Variants in ATP8B4 observed in about 807,000 individuals in gnomAD.
The protein encoded by ATP8B4 is ATPase phospholipid transporting 8B4 (putative).
A neutral mutation model predicts 145.6 loss-of-function variants in ATP8B4; 133 were observed. The ratio of observed to expected loss-of-function variants is 0.91; its 90% CI spans 0.79 to 1.05. The LOEUF is 1.05. ATP8B4 is among the 50% of genes least tolerant of loss of function. The pLI is 0.00. For missense variants in ATP8B4, 1,458 were observed against 1,425.2 expected (o/e 1.02, Z -0.37); for synonymous variants, 507 against 492.9 (o/e 1.03, Z -0.38).
At chr15:49,911,543 T>G (rs1044489200) in intron 20 of ATP8B4, among the ~76,000 whole-genome samples, 1 of 152,058 alleles carries the variant, frequency 6.6e-6, no homozygotes, top group Non-Finnish European at 1.5e-5. Context: ...ATAAAGCAGA[T>G]ATCATTAGAT....
At chr15:49,893,724 T>A (rs138609762) in intron 23 of ATP8B4, among the ~76,000 whole-genome samples, 2 of 152,176 alleles carry the variant, frequency 1.3e-5, no homozygotes, top group African/African-American at 4.8e-5. Flanking sequence ...ATCTGTTACA[T>A]AACAATGTGT....
At chr15:50,054,289 A>T (rs531549822) in intron 3 of ATP8B4, among the ~76,000 whole-genome samples, 2 of 152,332 alleles carry the variant, frequency 1.3e-5, no homozygotes, top group South Asian at 2.1e-4. Flanking sequence ...TACCAGAGGA[A>T]AAAGAAGCTC....
At chr15:50,057,315 C>A (rs907413173) in intron 3 of ATP8B4, among the ~76,000 whole-genome samples, 1 of 152,188 alleles carries the variant, frequency 6.6e-6, no homozygotes, top group African/African-American at 2.4e-5. Flanking sequence ...TATTTCAGCA[C>A]CATTTTACAG....
At chr15:50,055,325 C>A (rs1316472128) in intron 3 of ATP8B4, among the ~76,000 whole-genome samples, 2 of 152,180 alleles carry the variant, frequency 1.3e-5, no homozygotes, top group Non-Finnish European at 2.9e-5. Flanking sequence ...TTCTTTTACT[C>A]TCAACCAACC....
intron 2 of ATP8B4, among the ~76,000 whole-genome samples, chr15:50,100,681 A>G (rs2056297876): frequency 6.6e-6 from 1 of 152,218 alleles, no homozygotes. Flanking sequence ...TCATTTTATC[A>G]CATCAGTCTT....
intron 9 of ATP8B4, among the ~76,000 whole-genome samples, chr15:49,995,735 A>C (rs904303170): frequency 5.9e-5 from 9 of 152,286 alleles, no homozygotes; most frequent in Non-Finnish European, 8.8e-5. Context: ...CACATTTTGA[A>C]AGATTGTCTC....
At chr15:50,157,737 TC>T in intron 1 of ATP8B4, among the ~76,000 whole-genome samples, 1 of 151,344 alleles carries the variant, frequency 6.6e-6, no homozygotes, top group South Asian at 2.1e-4. Context: ...TTCTTCTTCT[TC>T]CTCTCCCTCT....
At chr15:50,069,535 G>A (rs2053590948) in intron 3 of ATP8B4, among the ~76,000 whole-genome samples, 1 of 152,156 alleles carries the variant, frequency 6.6e-6, no homozygotes, top group Non-Finnish European at 1.5e-5. Flanking sequence ...TAAAAGCCCA[G>A]GGTAATATTT....
chr15:49,994,777 TG>T (rs2047295412), intron 9 of ATP8B4, among the ~76,000 whole-genome samples: 1 of 152,076 alleles, frequency 6.6e-6, no homozygotes, highest in Admixed American at 6.6e-5. Flanking sequence ...TCAACTTACA[TG>T]GCCACGATTC....
chr15:49,966,678 G>A (rs561070182), intron 13 of ATP8B4, among the ~76,000 whole-genome samples: 1 of 152,306 alleles, frequency 6.6e-6, no homozygotes, highest in East Asian at 1.9e-4. Flanking sequence ...GGAAGGGGTG[G>A]CTGTGCGCGC....
intron 13 of ATP8B4, among the ~76,000 whole-genome samples, chr15:49,968,506 A>C (rs2044769683): frequency 6.6e-6 from 1 of 152,230 alleles, no homozygotes; most frequent in Non-Finnish European, 1.5e-5. Flanking sequence ...TTAAACCAAC[A>C]AAGACCAAAA....
Position 50,128,741 on chromosome 15 carries a change from A to T in ATP8B4, c.-42-21733T>A, listed in dbSNP as rs1218537655. ...ACTTACCCTTTGGAGTGTGTGAGTTAGTGAAAAAGGACAGATCCTTTGTAA... is the reference window on the plus strand; with the variant it reads ...ACTTACCCTTTGGAGTGTGTGAGTTTGTGAAAAAGGACAGATCCTTTGTAA... On this transcript the variant is annotated intron_variant, in intron 1 of 3. Transcript: ENST00000558829. Among the ~76,000 whole-genome samples the T allele has an allele frequency of 2.0e-5, 3 of 152,328 alleles. No homozygotes were observed. In the East Asian group the frequency reaches 5.8e-4, roughly 29 times the overall value.
chr15:50,156,747 G>T (rs978977264), intron 1 of ATP8B4, among the ~76,000 whole-genome samples: 1 of 152,134 alleles, frequency 6.6e-6, no homozygotes, highest in Non-Finnish European at 1.5e-5. Flanking sequence ...TAATATAGCT[G>T]GCCAGTGTCT....
intron 13 of ATP8B4, among the ~76,000 whole-genome samples, chr15:49,964,535 T>C (rs954767703): frequency 2.6e-5 from 4 of 152,152 alleles, no homozygotes; most frequent in Admixed American, 1.3e-4. Flanking sequence ...TACCCCCAAC[T>C]TGTATGAAAA....
intron 14 of ATP8B4, among the ~76,000 whole-genome samples, chr15:49,953,418 G>A (rs948337328): frequency 2.0e-5 from 3 of 152,162 alleles, no homozygotes; most frequent in Non-Finnish European, 2.9e-5. Flanking sequence ...GGAGTTACTG[G>A]AGATCCTACA....
chr15:50,052,078 A>C (rs2052228722), intron 3 of ATP8B4, among the ~76,000 whole-genome samples: 1 of 152,244 alleles, frequency 6.6e-6, no homozygotes, highest in South Asian at 2.1e-4. Context: ...AACCAAAAGC[A>C]AAACACATTT....
At chr15:49,964,956 A>G (rs2044394917) in intron 13 of ATP8B4, among the ~76,000 whole-genome samples, 1 of 152,212 alleles carries the variant, frequency 6.6e-6, no homozygotes, top group Non-Finnish European at 1.5e-5. Context: ...AAAGTTTCCC[A>G]TTTAAACTAT....
intron 1 of ATP8B4, among the ~76,000 whole-genome samples, chr15:50,156,025 A>C (rs977746604): frequency 6.2e-5 from 9 of 145,438 alleles, no homozygotes; most frequent in African/African-American, 1.2e-4. Flanking sequence ...TAAAAAAAAA[A>C]CAAAATCTCC....
intron 20 of ATP8B4, among the ~76,000 whole-genome samples, chr15:49,904,205 C>A (rs1189125703): frequency 6.6e-6 from 1 of 152,146 alleles, no homozygotes; most frequent in Non-Finnish European, 1.5e-5. Context: ...GACTAAGACA[C>A]AGTGCTGGAG....
Sources: gnomAD v4.1 joint callset for allele counts (sites outside exome capture counted in the v4.1 genomes callset) on GRCh38, gnomAD v4.1.1 for gene constraint, MANE v1.5 for transcripts, NCBI Gene and HGNC (gene_info 2026-07-23, HGNC 2026-07-21) for gene names.